Variants in RELN observed in about 807,000 individuals in gnomAD.
RELN encodes reelin.
RELN carries 108 observed loss-of-function variants against 427.6 expected under a neutral mutation model. That is an observed-to-expected ratio of 0.25 (90% CI 0.22 to 0.30). The LOEUF is 0.30. Ranked by LOEUF, RELN falls within the 10% of genes least tolerant of loss-of-function variation. RELN has a pLI of 1.00. For synonymous variants in RELN, 1,524 were observed against 1,513.4 expected (o/e 1.01, Z -0.16); for missense variants, 3,715 against 4,302.8 (o/e 0.86, Z 3.82).
intron 1 of RELN, among the ~76,000 whole-genome samples, chr7:103,980,820 A>G (rs11772975): frequency 0.17 from 26,540 of 152,092 alleles, 2,439 homozygotes; most frequent in Middle Eastern, 0.3. Context: ...TTTTCAGGTA[A>G]TATTAGTGCT....
intron 28 of RELN, among the ~76,000 whole-genome samples, chr7:103,581,086 G>A (rs756374914): frequency 3.9e-5 from 6 of 152,140 alleles, no homozygotes; most frequent in African/African-American, 9.7e-5. Flanking sequence ...TGGAAAAAGA[G>A]AGATGTTCTC....
intron 2 of RELN, among the ~76,000 whole-genome samples, chr7:103,905,693 CACAGGAGTGAAGATGACTT>C: frequency 3.7e-4 from 1 of 2,702 alleles, no homozygotes; most frequent in Non-Finnish European, 6.7e-4. Context: ...AAGATGACTT[CACAGGAGTGAAGATGACTT>C]CACAGGAGTG....
chr7:103,828,697 A>G (rs112324221), intron 3 of RELN, among the ~76,000 whole-genome samples: 52 of 152,094 alleles, frequency 3.4e-4, no homozygotes, highest in African/African-American at 1.1e-3. Context: ...CAATATCCAT[A>G]TATCATACAT....
At chr7:103,967,069 C>T (rs192204331) in intron 1 of RELN, among the ~76,000 whole-genome samples, 2 of 152,246 alleles carry the variant, frequency 1.3e-5, no homozygotes, top group Admixed American at 6.5e-5. Flanking sequence ...ATTTATTGAG[C>T]ATTTACTATA....
chr7:103,686,542 G>T (rs1181562666), intron 10 of RELN, among the ~76,000 whole-genome samples: 1 of 151,920 alleles, frequency 6.6e-6, no homozygotes, highest in Non-Finnish European at 1.5e-5. Context: ...ACAGGAAAGA[G>T]AAATAAGATG....
intron 36 of RELN, among the ~76,000 whole-genome samples, chr7:103,559,771 T>C (rs1304265417): frequency 6.6e-6 from 1 of 152,168 alleles, no homozygotes; most frequent in African/African-American, 2.4e-5. Context: ...CTCAATGCCA[T>C]GTGGGAGTGG....
chr7:103,698,139 C>A, intron 9 of RELN, 46 bp from the exon 10 acceptor site: 2 of 1,611,592 alleles, frequency 1.2e-6, no homozygotes, highest in Non-Finnish European at 1.7e-6. Flanking sequence ...CTGACTTTTT[C>A]TTTCTTAGAG....
chr7:103,741,345 C>T (rs1790649602), intron 6 of RELN, among the ~76,000 whole-genome samples: 1 of 151,836 alleles, frequency 6.6e-6, no homozygotes, highest in Non-Finnish European at 1.5e-5. Context: ...TGCTGTAATG[C>T]TATTTTCATC....
At chr7:103,486,491 G>C in intron 60 of RELN, 75 bp from the exon 61 acceptor site, 1 of 1,128,054 alleles carries the variant, frequency 8.9e-7, no homozygotes, top group Non-Finnish European at 1.3e-6. Context: ...AAGTATTCAA[G>C]TTCAGGTTTA....
chr7:103,712,544 C>T (rs923444002), intron 8 of RELN, among the ~76,000 whole-genome samples: 2 of 152,142 alleles, frequency 1.3e-5, no homozygotes, highest in Non-Finnish European at 2.9e-5. Context: ...GGTGCATATG[C>T]CATGCCTAGA....
At chr7:103,486,506 G>T in intron 60 of RELN, 90 bp from the exon 61 acceptor site, 4 of 921,022 alleles carry the variant, frequency 4.3e-6, no homozygotes, top group Non-Finnish European at 5.1e-6. Flanking sequence ...GGTTTAAGTA[G>T]TTGTTACTGT....
At chr7:103,976,315 G>A (rs1796878586) in intron 1 of RELN, among the ~76,000 whole-genome samples, 1 of 152,216 alleles carries the variant, frequency 6.6e-6, no homozygotes, top group Admixed American at 6.5e-5. Context: ...CGATGTCTTA[G>A]GTGTAGACCA....
intron 10 of RELN, among the ~76,000 whole-genome samples, chr7:103,694,467 A>AGAT (rs139140239): frequency 0.41 from 60,835 of 148,634 alleles, 13,135 homozygotes; most frequent in South Asian, 0.52. Context: ...CAGTTAAATG[A>AGAT]GATGATGATG....
At chr7:103,883,871 A>G (rs1235073856) in intron 2 of RELN, among the ~76,000 whole-genome samples, 1 of 152,218 alleles carries the variant, frequency 6.6e-6, no homozygotes, top group African/African-American at 2.4e-5. Flanking sequence ...AGTAATTTAT[A>G]GATGCAACAC....
chr7:103,658,487 T>C (rs1241781814), intron 12 of RELN, among the ~76,000 whole-genome samples: 2 of 152,018 alleles, frequency 1.3e-5, no homozygotes, highest in African/African-American at 4.8e-5. Flanking sequence ...TCCTGCCCTA[T>C]CGTATCCCAC....
chr7:103,710,380 T>G (rs182787604), intron 8 of RELN, among the ~76,000 whole-genome samples: 122 of 152,332 alleles, frequency 8.0e-4, no homozygotes, highest in Admixed American at 3.8e-3. Flanking sequence ...CTACGTAGTT[T>G]ACTTTCCATT....
At chr7:103,593,036 T>G (rs1356290465) in intron 27 of RELN, among the ~76,000 whole-genome samples, 1 of 152,210 alleles carries the variant, frequency 6.6e-6, no homozygotes, top group African/African-American at 2.4e-5. Flanking sequence ...CATCCTGCCA[T>G]TATGTAAGGA....
intron 6 of RELN, among the ~76,000 whole-genome samples, chr7:103,735,578 A>T (rs957717804): frequency 1.3e-5 from 2 of 152,138 alleles, no homozygotes; most frequent in Non-Finnish European, 2.9e-5. Context: ...TGGTGACATC[A>T]TCTTGATAAC....
In RELN at chr7:103,523,515, A is replaced by G. The variant is rs1228533413; in HGVS notation, c.7366T>C (p.Phe2456Leu). 3.1e-6 allele frequency: 5 copies of G among 1,613,970 alleles called. No individual in the cohort carries two copies. Among genetic ancestry groups the G allele is most frequent in the African/African-American group, 2.7e-5 (2 of 74,908 alleles). ...PPYTRSQATRFRWHQPAPFDK... is the reference protein window; with the variant it reads ...PPYTRSQATRLRWHQPAPFDK... ...AAAGGAGCTGGTTGATGCCAACGGA[A>G]ACGAGTGGCTTGGGACCTTTGAAGA... Residue 2456 changes from phenylalanine to leucine, a missense_variant, in exon 47 of 65, where the codon TTC becomes CTC. Coordinates refer to ENST00000428762, the MANE Select transcript of RELN (RefSeq NM_005045.4).
Sources: allele counts gnomAD v4.1 joint callset (sites outside exome capture counted in the v4.1 genomes callset), GRCh38; gene constraint gnomAD v4.1.1; transcripts MANE v1.5; gene names NCBI Gene and HGNC (gene_info 2026-07-23, HGNC 2026-07-21).